The following ZNF138 variants were observed in gnomAD, a reference collection of about 807,000 sequenced individuals.
The protein encoded by ZNF138 is zinc finger protein 138.
In ZNF138, 33 loss-of-function variants were observed where a neutral mutation model predicts 33.0. The observed-to-expected ratio is 1.00, with a 90% CI of 0.76 to 1.34. The LOEUF (loss-of-function observed/expected upper bound fraction) is 1.34. Among genes scored for constraint, ZNF138 ranks in the 40% most tolerant of loss-of-function variants. The pLI is 0.00. For missense variants in ZNF138, 360 were observed against 370.8 expected (o/e 0.97, Z 0.24); for synonymous variants, 139 against 120.4 (o/e 1.15, Z -1.01).
intron 3 of ZNF138, among the ~76,000 whole-genome samples, chr7:64,821,338 C>G (rs893544402): frequency 6.6e-6 from 1 of 151,300 alleles, no homozygotes; most frequent in East Asian, 1.9e-4. Flanking sequence ...ATCCACCCAC[C>G]TCAGCCTCCC....
At chr7:64,806,451 T>C (rs1787603238) in intron 1 of ZNF138, among the ~76,000 whole-genome samples, 1 of 152,112 alleles carries the variant, frequency 6.6e-6, no homozygotes, top group South Asian at 2.1e-4. Flanking sequence ...CATGAGAATC[T>C]CCCCTTTCCC....
intron 1 of ZNF138, among the ~76,000 whole-genome samples, chr7:64,805,411 C>CAAAACAAAAA (rs71061310): frequency 2.4e-5 from 3 of 126,998 alleles, no homozygotes; most frequent in Admixed American, 8.6e-5. Context: ...AAAAACAAAA[C>CAAAACAAAAA]AAAAAAAAAA....
chr7:64,802,878 T>C (rs570440495), intron 1 of ZNF138, among the ~76,000 whole-genome samples: 7 of 151,758 alleles, frequency 4.6e-5, no homozygotes, highest in Non-Finnish European at 8.8e-5. Context: ...CAAATGCATA[T>C]CTGATTGTTC....
downstream of ZNF138, among the ~76,000 whole-genome samples, chr7:64,838,073 G>A (rs1328013533): frequency 1.3e-5 from 2 of 152,242 alleles, no homozygotes; most frequent in East Asian, 1.9e-4. Context: ...TAGCCCTTGT[G>A]TCTAGTAAAA....
At chr7:64,813,106 T>G (rs1205328807) in intron 1 of ZNF138, among the ~76,000 whole-genome samples, 2 of 150,836 alleles carry the variant, frequency 1.3e-5, no homozygotes, top group East Asian at 3.9e-4. Flanking sequence ...CATATAGAAT[T>G]CTCATGAATT....
At chr7:64,856,835 G>A in the ZNF138 span, among the ~76,000 whole-genome samples, 1 of 1,194 alleles carries the variant, frequency 8.4e-4, no homozygotes, top group African/African-American at 9.0e-4. Context: ...CTGCCCGGCC[G>A]CCCCTACTGG....
At chr7:64,821,060 T>TG (rs1400858565) in intron 3 of ZNF138, among the ~76,000 whole-genome samples, 2 of 148,564 alleles carry the variant, frequency 1.3e-5, no homozygotes, top group East Asian at 2.0e-4. Flanking sequence ...GTTTTTGGTT[T>TG]TTTTGTTTTG....
chr7:64,828,992 A>G (rs1208657583), intron 3 of ZNF138, among the ~76,000 whole-genome samples: 1 of 152,044 alleles, frequency 6.6e-6, no homozygotes, highest in Admixed American at 6.6e-5. Flanking sequence ...TGTGTTGTTT[A>G]CTATCTATAT....
rs779913483 is a variant in ZNF138 at position 64,832,048 on chromosome 7, A to C, written c.806A>C (p.His269Pro). The C allele has an allele frequency of 2.7e-5, 44 of 1,613,868 alleles. No homozygotes were observed. The highest frequency in any genetic ancestry group is 3.6e-5 in the Non-Finnish European group (43 of 1,179,912). The change falls in exon 4 of 4, where the codon CAT (histidine) becomes CCT (proline). Residue 269 changes from histidine (H) to proline (P), a missense_variant. Coordinates refer to ENST00000307355, the MANE Select transcript of ZNF138 (RefSeq NM_001271639.2). Reference protein sequence around the residue: ...AFKQSSHLTRHKIIHTEEKPY... With the variant: ...AFKQSSHLTRPKIIHTEEKPY... ...AAACAGTCCTCACACCTTACTAGACATAAGATAATTCATACTGAAGAGAAA... is the reference window on the plus strand; with the variant it reads ...AAACAGTCCTCACACCTTACTAGACCTAAGATAATTCATACTGAAGAGAAA...
At chr7:64,825,860 C>T (rs999427497) in intron 3 of ZNF138, among the ~76,000 whole-genome samples, 4 of 151,930 alleles carry the variant, frequency 2.6e-5, no homozygotes, top group African/African-American at 9.7e-5. Context: ...TTTTAAGATA[C>T]TGTTACACTT....
chr7:64,801,692 T>G (rs1210744105), intron 1 of ZNF138, among the ~76,000 whole-genome samples: 1 of 150,058 alleles, frequency 6.7e-6, no homozygotes, highest in Non-Finnish European at 1.5e-5. Flanking sequence ...GGTTAAGTAT[T>G]GAGTTTAGTT....
chr7:64,813,353 G>A (rs1395201966), intron 1 of ZNF138, among the ~76,000 whole-genome samples: 1 of 151,894 alleles, frequency 6.6e-6, no homozygotes, highest in East Asian at 1.9e-4. Context: ...TGCTCTTTGG[G>A]GTGCTAAAGA....
chr7:64,794,686 C>G (rs1286631355), intron 1 of ZNF138, 115 bp downstream of exon 1: 3 of 1,506,570 alleles, frequency 2.0e-6, no homozygotes, highest in Non-Finnish European at 2.7e-6. Flanking sequence ...AATCCGCGGC[C>G]CCGAGTTCTT....
Position 64,832,229 on chromosome 7 carries a change from C to T in ZNF138, c.*27C>T, listed in dbSNP as rs1790151330. The T allele has an allele frequency of 1.2e-6, 2 of 1,601,446 alleles. No individual in the cohort carries two copies. Among genetic ancestry groups the T allele is most frequent in the Non-Finnish European group, 1.7e-6 (2 of 1,176,190 alleles). On this transcript the variant is annotated 3_prime_UTR_variant, in exon 4 of 4. Transcript: ENST00000307355. ...AACTTACTGAACATAAGAAAATTTACACTAGAGAGAAAGCCTACAAATGTG... is the reference window on the plus strand; with the variant it reads ...AACTTACTGAACATAAGAAAATTTATACTAGAGAGAAAGCCTACAAATGTG...
At chr7:64,801,120 TC>T (rs1787106949) in intron 1 of ZNF138, among the ~76,000 whole-genome samples, 1 of 152,170 alleles carries the variant, frequency 6.6e-6, no homozygotes, top group Non-Finnish European at 1.5e-5. Context: ...TAGATTTAAC[TC>T]CTGGATTTCT....
At position 64,827,100 on chromosome 7, in the gene ZNF138, C is replaced by A. The variant is rs1446732110; in HGVS notation, c.209-4351C>A. The stretch of plus-strand genomic sequence containing the variant: ...GTCCATCATTTTTCAGCATAAGGGA[C>A]TCATTTTAGCATTTTTTTTTTTTAA... On this transcript the variant is annotated intron_variant, in intron 3 of 3. Coordinates refer to ENST00000307355, the MANE Select transcript of ZNF138 (RefSeq NM_001271639.2). Among the ~76,000 whole-genome samples the A allele has an allele frequency of 5.3e-5, 6 of 112,576 alleles. No homozygotes were observed. The East Asian group carries it at 1.8e-3, about 34-fold the overall frequency. 73.9% of individuals were successfully genotyped at this position (112,576 alleles called of 152,430 possible).
In ZNF138 at chr7:64,821,554, T is replaced by G. The variant is rs546040401; in HGVS notation, c.208+5901T>G. ...TATTCAACTTTATATTCTTTTTGTT[T>G]GTTTGTTTTCGAGACACAGTCTCAC... is the stretch of plus-strand genomic sequence containing the variant. On this transcript the variant is annotated intron_variant, in intron 3 of 3. Transcript: ENST00000307355. 2.6e-5 allele frequency among the ~76,000 whole-genome samples: 4 copies of G among 151,806 alleles called. No homozygotes were observed. The South Asian group carries it at 8.3e-4, about 31-fold the overall frequency.
chr7:64,807,801 C>A (rs1024082517), intron 1 of ZNF138, among the ~76,000 whole-genome samples: 1 of 152,158 alleles, frequency 6.6e-6, no homozygotes, highest in Non-Finnish European at 1.5e-5. Context: ...ATGTAAGATG[C>A]TCTTGTGTAA....
At chr7:64,809,863 G>A (rs1371182734) in intron 1 of ZNF138, among the ~76,000 whole-genome samples, 7 of 112,270 alleles carry the variant, frequency 6.2e-5, no homozygotes, top group African/African-American at 1.4e-4. Context: ...GACGATAGGC[G>A]GCCGGGCAGA....
Sources: allele counts gnomAD v4.1 joint callset (sites outside exome capture counted in the v4.1 genomes callset), GRCh38; gene constraint gnomAD v4.1.1; transcripts MANE v1.5; gene names NCBI Gene and HGNC (gene_info 2026-07-23, HGNC 2026-07-21).